The following DOCK11 variants were observed in gnomAD, a reference collection of about 807,000 sequenced individuals.
The protein encoded by DOCK11 is dedicator of cytokinesis 11.
Under a neutral mutation model 169.1 loss-of-function variants are expected in DOCK11, and 70 were observed. That is an observed-to-expected ratio of 0.41 (90% CI 0.34 to 0.51). The LOEUF (loss-of-function observed/expected upper bound fraction) is 0.51. DOCK11 is among the 20% of genes least tolerant of loss of function. DOCK11 has a pLI of 0.10. For missense variants in DOCK11, 1,166 were observed against 1,538.8 expected (o/e 0.76, Z 4.05); for synonymous variants, 529 against 541.3 (o/e 0.98, Z 0.32).
chrX:118,579,953 C>A (rs958404654), intron 13 of DOCK11, 144 bp from the exon 14 acceptor site: 2 of 415,863 alleles, frequency 4.8e-6, no homozygotes, highest in African/African-American at 2.5e-5. Context: ...CTGGCTGATG[C>A]ATGTTATTCT....
Position 118,599,165 on chromosome X carries a change from T to A in DOCK11, c.2499T>A (p.His833Gln), listed in dbSNP as rs769060946. ...ATCTGCATGTGCACAAATTCTTCCA[T>A]CATTGCCAGCTGATTCAGTCAGGCT... is the stretch of plus-strand genomic sequence containing the variant. ...TQDLHVHKFF[H>Q]HCQLIQSGSK... The change falls in exon 23 of 53, where the codon CAT becomes CAA. Residue 833 changes from histidine (H) to glutamine (Q), a missense_variant. Physicochemically the swap from His to Gln is conservative, Grantham distance 24 (BLOSUM62 0). Transcript: ENST00000276202. The A allele has an allele frequency of 2.5e-6, 3 of 1,211,177 alleles. No homozygotes were observed. The highest frequency in any genetic ancestry group is 3.4e-6 in the Non-Finnish European group (3 of 895,007).
intron 10 of DOCK11, among the ~76,000 whole-genome samples, chrX:118,568,798 ATTTG>A: frequency 9.0e-6 from 1 of 111,140 alleles, no homozygotes; most frequent in South Asian, 3.7e-4. Context: ...TAAGTTTTTA[ATTTG>A]TTTAAGTGGG....
At chrX:118,505,574 A>C (rs145064951) in intron 1 of DOCK11, among the ~76,000 whole-genome samples, 2 of 112,237 alleles carry the variant, frequency 1.8e-5, no homozygotes, top group Non-Finnish European at 3.8e-5. Flanking sequence ...CACATGGCTG[A>C]TCCAAGAATC....
At chrX:118,613,489 A>G (rs2014734400) in intron 28 of DOCK11, among the ~76,000 whole-genome samples, 1 of 112,743 alleles carries the variant, frequency 8.9e-6, no homozygotes, top group African/African-American at 3.2e-5. Context: ...GAAAACAGTC[A>G]GTAAAATACA....
chrX:118,530,003 T>C, intron 1 of DOCK11, among the ~76,000 whole-genome samples: 1 of 112,006 alleles, frequency 8.9e-6, no homozygotes, highest in East Asian at 2.8e-4. Flanking sequence ...ACTGAAGGGA[T>C]TGAAACAAAG....
chrX:118,554,583 T>G (rs1347269581), intron 6 of DOCK11, among the ~76,000 whole-genome samples: 1 of 111,006 alleles, frequency 9.0e-6, no homozygotes, highest in African/African-American at 3.3e-5. Context: ...ACCACCTTTT[T>G]GGGGAGGTGA....
At chrX:118,542,633 T>A in intron 1 of DOCK11, 92 bp from the exon 2 acceptor site, 1 of 644,867 alleles carries the variant, frequency 1.6e-6, no homozygotes, top group Non-Finnish European at 2.5e-6. Context: ...AGTAATCCCT[T>A]CCTTTGAGAA....
At position 118,652,007 on chromosome X, in the gene DOCK11, G is replaced by A; in HGVS notation, c.4625G>A (p.Ser1542Asn). ...CAACTGATAGCTGATGTAGCACTAAGCGGAGGATCAAGATTTCAGGAGTCT... is the reference window on the plus strand; with the variant it reads ...CAACTGATAGCTGATGTAGCACTAAACGGAGGATCAAGATTTCAGGAGTCT... The part of the protein sequence containing the change: ...VSQLIADVAL[S>N]GGSRFQESLF... Residue 1542 changes from serine to asparagine, a missense_variant, in exon 42 of 53, where the codon AGC (serine) becomes AAC (asparagine). Transcript: ENST00000276202. The A allele has an allele frequency of 8.3e-7, 1 of 1,208,519 alleles. No individual in the cohort carries two copies. Among genetic ancestry groups the A allele is most frequent in the Non-Finnish European group, 1.1e-6 (1 of 893,717 alleles).
rs188129362 is a variant in DOCK11 at position 118,606,557 on chromosome X, T to A, written c.2681+1201T>A. ...GAGTAGAATGCAAAATGCACCTGAA[T>A]TTTGAAATCAAAACAGGGTACTTAA... is the stretch of plus-strand genomic sequence containing the variant. On this transcript the variant is annotated intron_variant, in intron 24 of 52. Transcript: ENST00000276202. 3.9e-3 allele frequency among the ~76,000 whole-genome samples: 434 copies of A among 112,293 alleles called. 4 individuals are homozygous for A. Among genetic ancestry groups the A allele is most frequent in the African/African-American group, 0.014 (424 of 30,978 alleles).
chrX:118,542,875 C>T, intron 2 of DOCK11, 34 bp downstream of exon 2: 1 of 1,193,222 alleles, frequency 8.4e-7, no homozygotes, highest in Non-Finnish European at 1.1e-6. Context: ...AAGAAAAAAA[C>T]CCCTATTTTT....
In DOCK11 at chrX:118,681,186, T is replaced by G. The variant is rs368116317; in HGVS notation, c.5800T>G (p.Ser1934Ala). The G allele has an allele frequency of 2.5e-6, 3 of 1,206,685 alleles. No homozygotes were observed. The African/African-American group carries it at 5.2e-5, about 21-fold the overall frequency. Residue 1934 changes from serine (S) to alanine (A), a missense_variant, in exon 50 of 53, where the codon TCC (serine) becomes GCC (alanine). Ser to Ala is a moderately conservative substitution (Grantham distance 99, BLOSUM62 1). Transcript: ENST00000276202. ...DKTAELQKLC[S>A]STDVDMIQLQ... is the part of the protein sequence containing the mutation. ...AACTGCAGAGCTGCAAAAGCTTTGC[T>G]CCTCTACTGACGTGGACATGATTCA... is the stretch of plus-strand genomic sequence containing the variant.
chrX:118,566,495 G>A, intron 8 of DOCK11, 79 bp from the exon 9 acceptor site: 2 of 889,900 alleles, frequency 2.2e-6, no homozygotes, highest in South Asian at 2.5e-5. Context: ...ATGGGTGGGA[G>A]AGATAGTTAG....
intron 35 of DOCK11, chrX:118,632,576 T>G (rs996079297): frequency 1.8e-5 from 2 of 111,625 alleles, no homozygotes; most frequent in Non-Finnish European, 3.8e-5. Context: ...AAATATTGTT[T>G]TAGTTACTCT....
At chrX:118,529,361 T>G (rs1230144966) in intron 1 of DOCK11, among the ~76,000 whole-genome samples, 1 of 112,346 alleles carries the variant, frequency 8.9e-6, no homozygotes, top group East Asian at 2.8e-4. Flanking sequence ...GCATTGTGAA[T>G]TTACAAAAAG....
chrX:118,652,292 G>A (rs2015964543), intron 42 of DOCK11, among the ~76,000 whole-genome samples: 1 of 111,395 alleles, frequency 9.0e-6, no homozygotes, highest in South Asian at 3.7e-4. Context: ...TTTAGTGGAT[G>A]GATGAATGAA....
intron 1 of DOCK11, among the ~76,000 whole-genome samples, chrX:118,524,463 G>A (rs756953305): frequency 1.8e-5 from 2 of 111,506 alleles, no homozygotes; most frequent in Non-Finnish European, 3.8e-5. Context: ...CACAGAATGG[G>A]CAAAAGTATT....
intron 1 of DOCK11, among the ~76,000 whole-genome samples, chrX:118,509,815 G>A (rs890466908): frequency 1.8e-5 from 2 of 112,292 alleles, no homozygotes; most frequent in South Asian, 7.2e-4. Flanking sequence ...TCCAGAAGCT[G>A]TAGGGGAGGA....
chrX:118,554,509 C>T (rs1466914176), intron 6 of DOCK11, among the ~76,000 whole-genome samples: 1 of 111,210 alleles, frequency 9.0e-6, no homozygotes. Flanking sequence ...GAGATCGCAC[C>T]ACTGCACTCC....
In DOCK11 at chrX:118,545,329, T is replaced by C. The variant is rs1223356756; in HGVS notation, c.399T>C (p.Ser133=). 1.0e-5 allele frequency: 12 copies of C among 1,195,915 alleles called. No individual in the cohort carries two copies. Among genetic ancestry groups the C allele is most frequent in the Non-Finnish European group, 1.4e-5 (12 of 887,094 alleles). Residue 133 remains serine, a synonymous_variant, in exon 5 of 53, where the codon TCT becomes TCC. Transcript: ENST00000276202. The part of the protein sequence containing the change: ...SGDFRMLPCK[S]LRPEKIPNHV... ...AGTTCTCTTATATTTGCAGTAAATCTTTGAGACCAGAAAAGATTCCTAATC... is the reference window on the plus strand; with the variant it reads ...AGTTCTCTTATATTTGCAGTAAATCCTTGAGACCAGAAAAGATTCCTAATC...
Sources: allele counts gnomAD v4.1 joint callset (sites outside exome capture counted in the v4.1 genomes callset), GRCh38; gene constraint gnomAD v4.1.1; transcripts MANE v1.5; gene names NCBI Gene and HGNC (gene_info 2026-07-23, HGNC 2026-07-21).